Variants in NASP observed in about 807,000 individuals in gnomAD.
NASP encodes nuclear autoantigenic sperm protein, also known as NASP histone chaperone.
A neutral mutation model predicts 89.5 loss-of-function variants in NASP; 24 were observed. The ratio of observed to expected loss-of-function variants is 0.27; its 90% CI spans 0.19 to 0.38. The LOEUF is 0.38. NASP is among the 10% of genes least tolerant of loss of function. The pLI is 1.00. For missense variants in NASP, 848 were observed against 921.4 expected, an observed-to-expected ratio of 0.92 and a Z score of 1.03; for synonymous variants, 306 against 324.7, an observed-to-expected ratio of 0.94 and a Z score of 0.62.
At position 45,591,299 on chromosome 1, in the gene NASP, C is replaced by A; in HGVS notation, c.107+29C>A. 2.2e-6 allele frequency: 3 copies of A among 1,386,774 alleles called. No individual in the cohort carries two copies. In the South Asian group the frequency reaches 4.0e-5, roughly 19 times the overall value. 85.9% of individuals were successfully genotyped at this position (1,386,774 alleles called of 1,614,324 possible). On this transcript the variant is annotated intron_variant, in intron 2 of 14. Coordinates refer to ENST00000350030, the MANE Select transcript of NASP (RefSeq NM_002482.4). The stretch of plus-strand genomic sequence containing the variant: ...AGATTATTTACATGGTAGTTAGATT[C>A]GTATCAGAAACATAAACTAAGAGCA...
intron 2 of NASP, among the ~76,000 whole-genome samples, chr1:45,595,581 G>A (rs181233006): frequency 2.4e-4 from 36 of 152,248 alleles, no homozygotes; most frequent in Non-Finnish European, 4.4e-4. Flanking sequence ...CAGGGATAAT[G>A]TAAGATCAAA....
intron 2 of NASP, among the ~76,000 whole-genome samples, chr1:45,591,546 G>T (rs1449692840): frequency 1.3e-5 from 2 of 151,908 alleles, no homozygotes; most frequent in Non-Finnish European, 2.9e-5. Flanking sequence ...GAGAGATGGG[G>T]TCTTGCTATG....
rs187026853 is a variant in NASP, at chr1:45,592,018, A to T, written c.107+748A>T. 8.6e-5 allele frequency among the ~76,000 whole-genome samples: 13 copies of T among 152,018 alleles called. No homozygotes were observed. The East Asian group carries it at 2.5e-3, about 29-fold the overall frequency. ...TTATTTATTTTTTAGACTGAGTTTC[A>T]CTCTTGTCGCCCAGGCTGGAGTGCA... On this transcript the variant is annotated intron_variant, in intron 2 of 14. Coordinates refer to ENST00000350030, the MANE Select transcript of NASP (RefSeq NM_002482.4).
chr1:45,614,982 A>ATT (rs776881642), intron 9 of NASP, 31 bp from the exon 10 acceptor site: 2 of 1,591,146 alleles, frequency 1.3e-6, no homozygotes, highest in African/African-American at 2.7e-5. Context: ...AATGCTGTCC[A>ATT]TTTACTTGCT....
In NASP at chr1:45,616,376, G is replaced by C; in HGVS notation, c.2062G>C (p.Gly688Arg). 6.2e-7 allele frequency: 1 copy of C among 1,614,160 alleles called. No homozygotes were observed. The highest frequency in any genetic ancestry group is 2.2e-5 in the East Asian group (1 of 44,876). Residue 688 changes from glycine (G) to arginine (R), a missense_variant, in exon 12 of 15, where the codon GGC becomes CGC. Physicochemically the swap from Gly to Arg is moderately radical, Grantham distance 125 (BLOSUM62 -2). Transcript: ENST00000350030. ...STSGFTPGGG[G>R]SSVSMIASRK... The stretch of plus-strand genomic sequence containing the variant: ...TTCAGGTTTCACTCCTGGTGGAGGA[G>C]GCTCTTCAGTCTCCATGGTGCGTAT...
intron 2 of NASP, among the ~76,000 whole-genome samples, chr1:45,591,516 G>A (rs1643548354): frequency 6.6e-6 from 1 of 151,890 alleles, no homozygotes; most frequent in East Asian, 1.9e-4. Flanking sequence ...ACTACACTTC[G>A]CTCATTTTTA....
chr1:45,587,680 ATATAT>A (rs1644574987), intron 1 of NASP, among the ~76,000 whole-genome samples: 1 of 95,822 alleles, frequency 1.0e-5, no homozygotes, highest in Admixed American at 1.2e-4. Flanking sequence ...ATATATATAT[ATATAT>A]ATAATTAATT....
At chr1:45,604,404 C>A (rs573858364) in intron 3 of NASP, among the ~76,000 whole-genome samples, 5 of 152,154 alleles carry the variant, frequency 3.3e-5, no homozygotes, top group African/African-American at 9.7e-5. Context: ...TTAGTTCTTG[C>A]AATAGCTCTT....
intron 3 of NASP, among the ~76,000 whole-genome samples, chr1:45,603,293 A>G (rs1314074789): frequency 1.3e-5 from 2 of 152,240 alleles, no homozygotes; most frequent in East Asian, 3.8e-4. Flanking sequence ...AGTATTAGCA[A>G]TTGCAATTGA....
At chr1:45,589,375 T>A (rs1483505566) in intron 1 of NASP, among the ~76,000 whole-genome samples, 1 of 152,088 alleles carries the variant, frequency 6.6e-6, no homozygotes. Context: ...TCCACCTACC[T>A]AGGCCTCACA....
chr1:45,588,181 G>A (rs1472302668), intron 1 of NASP, among the ~76,000 whole-genome samples: 3 of 152,108 alleles, frequency 2.0e-5, no homozygotes, highest in Admixed American at 6.6e-5. Flanking sequence ...TAGGCTCACC[G>A]CAGTCTCCAC....
intron 6 of NASP, among the ~76,000 whole-genome samples, chr1:45,609,028 C>T (rs1189179450): frequency 2.0e-5 from 3 of 152,142 alleles, no homozygotes; most frequent in African/African-American, 7.2e-5. Context: ...TCATTTCATG[C>T]TTGCTTCGGC....
chr1:45,606,694 G>A, intron 5 of NASP, 103 bp downstream of exon 5: 2 of 703,554 alleles, frequency 2.8e-6, no homozygotes, highest in Non-Finnish European at 4.7e-6. Flanking sequence ...TCTCTCCTAA[G>A]ATGCTTGGGG....
At chr1:45,590,466 G>T (rs928611005) in intron 1 of NASP, among the ~76,000 whole-genome samples, 6 of 150,742 alleles carry the variant, frequency 4.0e-5, no homozygotes, top group African/African-American at 1.5e-4. Context: ...GGAGAATGGC[G>T]TGAACCCGGG....
In NASP at chr1:45,607,812, G is replaced by T. The variant is rs189352487; in HGVS notation, c.901G>T (p.Asp301Tyr). The change falls in exon 6 of 15, where the codon GAC becomes TAC. Residue 301 changes from aspartate (D) to tyrosine (Y), a missense_variant. Around this residue, in one of 5 missense-constraint regions of NASP, gnomAD observed 464 missense variants for 469.4 expected, o/e 0.99. Transcript: ENST00000350030. Reference protein sequence around the residue: ...TAVEVEAESLDPTVKPVDVGG... With the variant: ...TAVEVEAESLYPTVKPVDVGG... Reference sequence around the variant, plus strand: ...AGTGGAGGTAGAAGCAGAGTCTTTAGACCCGACAGTCAAGCCAGTGGATGT... The same window carrying T: ...AGTGGAGGTAGAAGCAGAGTCTTTATACCCGACAGTCAAGCCAGTGGATGT... 3 of 1,614,142 alleles carry T rather than the reference G, an allele frequency of 1.9e-6. No homozygotes were observed. Among genetic ancestry groups the T allele is most frequent in the Admixed American group, 3.3e-5 (2 of 60,016 alleles).
In NASP at chr1:45,601,505, CTG is replaced by C. The variant is rs1430662741; in HGVS notation, c.108-746_108-745del. On this transcript the variant is annotated intron_variant, in intron 2 of 14. Transcript: ENST00000350030. ...ATATGCATGGATCTGTTTTTGTACT[CTG>C]TGTTCTATTTGATCCATTTGGTTTT... is the stretch of plus-strand genomic sequence containing the variant. Among the ~76,000 whole-genome samples, 11 of 152,254 alleles carry C rather than the reference CTG, an allele frequency of 7.2e-5. No individual in the cohort carries two copies. In the South Asian group the frequency reaches 1.0e-3, roughly 14 times the overall value.
intron 6 of NASP, chr1:45,611,855 C>CTTTTTTTTTTTTTT (rs997981433): frequency 9.5e-6 from 1 of 105,232 alleles, no homozygotes; most frequent in African/African-American, 4.0e-5. Context: ...GTTAAAGTAT[C>CTTTTTTTTTTTTTT]TTTTTTTTTT....
At chr1:45,595,083 C>G (rs1371697163) in intron 2 of NASP, among the ~76,000 whole-genome samples, 1 of 151,322 alleles carries the variant, frequency 6.6e-6, no homozygotes, top group Non-Finnish European at 1.5e-5. Flanking sequence ...CAGCCTCAAA[C>G]TCCTGGACCA....
Position 45,607,321 on chromosome 1 carries a change from A to C in NASP, c.410A>C (p.Glu137Ala). 6.2e-7 allele frequency: 1 copy of C among 1,613,582 alleles called. No homozygotes were observed. The highest frequency in any genetic ancestry group is 8.5e-7 in the Non-Finnish European group (1 of 1,179,786). Residue 137 changes from glutamate to alanine, a missense_variant and splice_region_variant, in exon 6 of 15, where the codon GAG becomes GCG. This residue lies in a region of NASP where 464 missense variants were observed against 469.4 expected (regional missense o/e 0.99). Transcript: ENST00000350030. ...TGCTTCATGTTCTTTAACCATGTAGAGGAAGCAAGGGAAGAGTTGAGAGAA... is the reference window on the plus strand; with the variant it reads ...TGCTTCATGTTCTTTAACCATGTAGCGGAAGCAAGGGAAGAGTTGAGAGAA... Reference protein sequence around the residue: ...SLVENNDNIDEEAREELREQV... With the variant: ...SLVENNDNIDAEAREELREQV...
Sources: allele counts gnomAD v4.1 joint callset (sites outside exome capture counted in the v4.1 genomes callset), GRCh38; gene constraint gnomAD v4.1.1; regional missense constraint gnomAD v4.1.1; transcripts MANE v1.5; gene names NCBI Gene and HGNC (gene_info 2026-07-23, HGNC 2026-07-21).